Variants in OPCML observed in about 807,000 individuals in gnomAD.
OPCML encodes the protein opioid-binding protein/cell adhesion molecule.
In OPCML, 13 loss-of-function variants were observed where a neutral mutation model predicts 37.8. The ratio of observed to expected loss-of-function variants is 0.34; its 90% CI spans 0.22 to 0.55. The LOEUF (loss-of-function observed/expected upper bound fraction) is 0.55. OPCML is among the 20% of genes least tolerant of loss of function. The probability of loss-of-function intolerance (pLI) is 0.91; values close to 1 mark genes in which losing one functional copy is unlikely to be tolerated. For synonymous variants in OPCML, 176 were observed against 168.8 expected, an observed-to-expected ratio of 1.04 and a Z score of -0.33; for missense variants, 341 against 435.6, an observed-to-expected ratio of 0.78 and a Z score of 1.93.
intron 1 of OPCML, among the ~76,000 whole-genome samples, chr11:133,433,016 T>C (rs1432107777): frequency 6.6e-6 from 1 of 152,224 alleles, no homozygotes; most frequent in Admixed American, 6.5e-5. Flanking sequence ...TTGGTATTTA[T>C]TTTCTCAAGA....
intron 1 of OPCML, among the ~76,000 whole-genome samples, chr11:133,092,757 GTTAA>G (rs1344167645): frequency 6.6e-6 from 1 of 152,048 alleles, no homozygotes; most frequent in East Asian, 1.9e-4. Context: ...CTCAAGAGCT[GTTAA>G]TTATCTTGTT....
intron 2 of OPCML, among the ~76,000 whole-genome samples, chr11:132,874,194 G>A (rs529594464): frequency 3.3e-5 from 5 of 152,204 alleles, no homozygotes; most frequent in Middle Eastern, 3.4e-3. Context: ...ATTGGGGCAG[G>A]TATTTTTGCT....
intron 2 of OPCML, among the ~76,000 whole-genome samples, chr11:132,679,530 C>G (rs1459026403): frequency 6.6e-6 from 1 of 152,124 alleles, no homozygotes; most frequent in African/African-American, 2.4e-5. Flanking sequence ...ATGAACTGTT[C>G]AGAACAGGCA....
At chr11:132,521,655 C>T (rs2096294106) in intron 4 of OPCML, among the ~76,000 whole-genome samples, 1 of 152,118 alleles carries the variant, frequency 6.6e-6, no homozygotes, top group Non-Finnish European at 1.5e-5. Flanking sequence ...ATACCTAATG[C>T]ATGCTGGGCT....
chr11:132,416,681 T>A lies in OPCML; in HGVS notation c.*3512A>T, dbSNP rs2095939804. ...ATGTAAGAAGAAAGAGACTGGGGCC[T>A]CTTTGTGACACAACACCTTACCTTT... On this transcript the variant is annotated 3_prime_UTR_variant, in exon 8 of 8. Transcript: ENST00000524381. The A allele has an allele frequency of 6.6e-6, 1 of 152,196 alleles. No homozygotes were observed. The highest frequency in any genetic ancestry group is 2.4e-5 in the African/African-American group (1 of 41,450). 9.4% of individuals were successfully genotyped at this position (152,196 alleles called of 1,614,324 possible). A position where few individuals can be genotyped will look rare whatever the true frequency, so the allele number is the denominator to read the frequency against.
chr11:133,235,998 A>G (rs1340951247), intron 1 of OPCML, among the ~76,000 whole-genome samples: 1 of 152,184 alleles, frequency 6.6e-6, no homozygotes, highest in African/African-American at 2.4e-5. Flanking sequence ...ATGGTAGTAA[A>G]ACGTTATATA....
Position 133,212,678 on chromosome 11 carries a change from G to C in OPCML, c.62-269668C>G, listed in dbSNP as rs1322989353. Reference sequence around the variant, plus strand: ...TGACTGTTGTTATTGTCTGTCCTCTGCTAGAACAGAGGCTCCATGATTATA... The same window carrying C: ...TGACTGTTGTTATTGTCTGTCCTCTCCTAGAACAGAGGCTCCATGATTATA... On this transcript the variant is annotated intron_variant, in intron 1 of 7. Coordinates refer to ENST00000524381, the MANE Select transcript of OPCML (RefSeq NM_001012393.5). The surrounding 1 kb of genome is among the most constrained non-coding windows in gnomAD (Gnocchi z 4.9). Among the ~76,000 whole-genome samples, 2 of 152,180 alleles carry C rather than the reference G, an allele frequency of 1.3e-5. No individual in the cohort carries two copies. Among genetic ancestry groups the C allele is most frequent in the African/African-American group, 2.4e-5 (1 of 41,446 alleles).
chr11:132,568,051 C>CGTGTGT (rs151226115), intron 3 of OPCML, among the ~76,000 whole-genome samples: 2 of 149,882 alleles, frequency 1.3e-5, no homozygotes, highest in African/African-American at 4.9e-5. Flanking sequence ...TGCGCGCGCG[C>CGTGTGT]GCGTGTGTGT....
At chr11:132,649,564 C>A (rs1203774161) in intron 3 of OPCML, among the ~76,000 whole-genome samples, 2 of 151,974 alleles carry the variant, frequency 1.3e-5, no homozygotes, top group Non-Finnish European at 2.9e-5. Flanking sequence ...GAGATCCCTT[C>A]CTTTATGTGT....
At chr11:132,667,350 G>A (rs1490994312) in intron 2 of OPCML, among the ~76,000 whole-genome samples, 1 of 152,158 alleles carries the variant, frequency 6.6e-6, no homozygotes, top group East Asian at 1.9e-4. Flanking sequence ...GGGGACCATG[G>A]TCTGCATTTC....
intron 1 of OPCML, among the ~76,000 whole-genome samples, chr11:133,310,862 T>A (rs1565564452): frequency 6.6e-6 from 1 of 152,232 alleles, no homozygotes; most frequent in African/African-American, 2.4e-5. Context: ...CACTGCGTGC[T>A]ATGCAAATAT....
chr11:133,124,722 C>T (rs1330755665), intron 1 of OPCML, among the ~76,000 whole-genome samples: 1 of 152,078 alleles, frequency 6.6e-6, no homozygotes, highest in Non-Finnish European at 1.5e-5. Context: ...CCTTGCAGAA[C>T]CCATCTGATT....
intron 1 of OPCML, among the ~76,000 whole-genome samples, chr11:133,474,860 C>T (rs930028316): frequency 6.6e-6 from 1 of 152,212 alleles, no homozygotes; most frequent in African/African-American, 2.4e-5. Context: ...TGAGTGCACA[C>T]AGCAAGCGCC....
Position 132,657,181 on chromosome 11 carries a change from G to A in OPCML, c.285C>T (p.Ile95=). The part of the protein sequence containing the change: ...VNTPTQYSIM[I]QNVDVYDEGP... ...CTTCGTCATACACATCCACATTTTGGATCATGATGCTGTACTGGGTTGGTG... is the reference window on the plus strand; with the variant it reads ...CTTCGTCATACACATCCACATTTTGAATCATGATGCTGTACTGGGTTGGTG... Residue 95 remains isoleucine, a synonymous_variant, in exon 3 of 8, where the codon ATC becomes ATT. Transcript: ENST00000524381. The A allele has an allele frequency of 6.2e-7, 1 of 1,614,218 alleles. No individual in the cohort carries two copies. Among genetic ancestry groups the A allele is most frequent in the Non-Finnish European group, 8.5e-7 (1 of 1,180,042 alleles).
intron 4 of OPCML, among the ~76,000 whole-genome samples, chr11:132,444,362 A>T (rs939195569): frequency 7.2e-5 from 11 of 152,202 alleles, no homozygotes; most frequent in African/African-American, 2.4e-4. Flanking sequence ...CTTCTCCATC[A>T]CATACCTCCT....
chr11:133,116,658 G>A (rs1592016789), intron 1 of OPCML, among the ~76,000 whole-genome samples: 2 of 152,260 alleles, frequency 1.3e-5, no homozygotes, highest in Admixed American at 6.5e-5. Context: ...TAGGAGGCAT[G>A]TGAAATAGGT....
At chr11:132,953,608 T>A (rs1022500754) in intron 1 of OPCML, among the ~76,000 whole-genome samples, 2 of 152,168 alleles carry the variant, frequency 1.3e-5, no homozygotes, top group African/African-American at 4.8e-5. Flanking sequence ...AAATGTTCAG[T>A]ACCATTATTA....
At position 133,468,615 on chromosome 11, in the gene OPCML, G is replaced by A. The variant is rs144983309; in HGVS notation, c.61+63649C>T. On this transcript the variant is annotated intron_variant, in intron 1 of 7. Transcript: ENST00000524381. ...CCTGGGGAAAATGTCCTAAGCAAAT[G>A]GGATTAGAATACAAATTGTGTTTGA... is the stretch of plus-strand genomic sequence containing the variant. 2.4e-3 allele frequency among the ~76,000 whole-genome samples: 362 copies of A among 152,302 alleles called. 7 individuals are homozygous for A. The highest frequency in any genetic ancestry group is 6.0e-3 in the East Asian group (31 of 5,160).
chr11:132,744,816 A>G (rs1162611264), intron 2 of OPCML, among the ~76,000 whole-genome samples: 1 of 152,262 alleles, frequency 6.6e-6, no homozygotes, highest in African/African-American at 2.4e-5. Flanking sequence ...AATGCTTCAG[A>G]GAGCCAAGGT....
Sources: allele counts gnomAD v4.1 joint callset (sites outside exome capture counted in the v4.1 genomes callset), GRCh38; gene constraint gnomAD v4.1.1; non-coding constraint Gnocchi (gnomAD v3.1); transcripts MANE v1.5; gene names NCBI Gene and HGNC (gene_info 2026-07-23, HGNC 2026-07-21).